Variants in UBE2E2 observed in about 807,000 individuals in gnomAD.
UBE2E2 encodes the protein ubiquitin-conjugating enzyme E2 E2.
UBE2E2 carries 6 observed loss-of-function variants against 24.7 expected under a neutral mutation model. The ratio of observed to expected loss-of-function variants is 0.24; its 90% CI spans 0.13 to 0.48. The LOEUF is 0.48. Ranked by LOEUF, UBE2E2 falls within the 20% of genes least tolerant of loss-of-function variation. The probability of loss-of-function intolerance (pLI) is 0.99; values close to 1 mark genes in which losing one functional copy is unlikely to be tolerated. For missense variants in UBE2E2, 169 were observed against 245.0 expected (o/e 0.69, Z 2.07); for synonymous variants, 104 against 83.6 (o/e 1.24, Z -1.33).
chr3:23,206,355 A>G (rs541903870), intron 1 of UBE2E2, among the ~76,000 whole-genome samples: 4 of 152,372 alleles, frequency 2.6e-5, no homozygotes, highest in Non-Finnish European at 5.9e-5. Context: ...AAATGAAAAA[A>G]AGCAAGAAAT....
chr3:23,352,890 C>T (rs1695800233), intron 3 of UBE2E2, among the ~76,000 whole-genome samples: 1 of 152,146 alleles, frequency 6.6e-6, no homozygotes, highest in Admixed American at 6.5e-5. Flanking sequence ...TTTATAAGGC[C>T]AGCATCATCC....
At chr3:23,549,059 C>A (rs1191035023) in intron 5 of UBE2E2, among the ~76,000 whole-genome samples, 1 of 152,204 alleles carries the variant, frequency 6.6e-6, no homozygotes, top group African/African-American at 2.4e-5. Context: ...TGGCCTCTTT[C>A]CCCAGCTAAA....
chr3:23,558,264 C>T (rs1695838240), intron 5 of UBE2E2, among the ~76,000 whole-genome samples: 1 of 152,146 alleles, frequency 6.6e-6, no homozygotes. Context: ...GAGTACATTG[C>T]TTAAGATGTT....
intron 3 of UBE2E2, among the ~76,000 whole-genome samples, chr3:23,345,677 G>T (rs1695536042): frequency 6.6e-6 from 1 of 152,036 alleles, no homozygotes; most frequent in East Asian, 1.9e-4. Flanking sequence ...TTAAATTACA[G>T]ACAATAAAAT....
intron 3 of UBE2E2, among the ~76,000 whole-genome samples, chr3:23,395,311 G>C (rs1354377499): frequency 6.6e-6 from 1 of 152,190 alleles, no homozygotes; most frequent in African/African-American, 2.4e-5. Flanking sequence ...TGGAGTTTCA[G>C]CACCTAAAAA....
chr3:23,315,938 A>T (rs1694564296), intron 3 of UBE2E2, among the ~76,000 whole-genome samples: 1 of 151,436 alleles, frequency 6.6e-6, no homozygotes, highest in Non-Finnish European at 1.5e-5. Flanking sequence ...CCTGGCAGAG[A>T]CTCTTGTTTT....
chr3:23,275,900 G>C (rs1698364744), intron 3 of UBE2E2, among the ~76,000 whole-genome samples: 1 of 151,912 alleles, frequency 6.6e-6, no homozygotes, highest in African/African-American at 2.4e-5. Flanking sequence ...ATTTGAATTT[G>C]AGCTTCTCTC....
intron 3 of UBE2E2, among the ~76,000 whole-genome samples, chr3:23,237,959 C>T (rs1697160001): frequency 6.6e-6 from 1 of 151,856 alleles, no homozygotes; most frequent in African/African-American, 2.4e-5. Context: ...GTGTTTTCCG[C>T]TTTAGTTTGT....
intron 5 of UBE2E2, among the ~76,000 whole-genome samples, chr3:23,544,302 T>G (rs993263193): frequency 5.9e-5 from 9 of 152,158 alleles, no homozygotes; most frequent in Non-Finnish European, 1.0e-4. Flanking sequence ...ATTTGCATAC[T>G]ATGCATCTGA....
chr3:23,536,456 T>C (rs1167126198), intron 5 of UBE2E2, among the ~76,000 whole-genome samples: 2 of 152,222 alleles, frequency 1.3e-5, no homozygotes, highest in African/African-American at 2.4e-5. Context: ...GCTCTACTAC[T>C]GTTACTCTCT....
intron 3 of UBE2E2, among the ~76,000 whole-genome samples, chr3:23,365,079 C>T (rs564767376): frequency 6.6e-6 from 1 of 152,176 alleles, no homozygotes; most frequent in Admixed American, 6.5e-5. Context: ...AATATCCCTT[C>T]ATGTTAAGAA....
intron 5 of UBE2E2, among the ~76,000 whole-genome samples, chr3:23,579,805 G>T (rs1266846382): frequency 6.6e-6 from 1 of 152,180 alleles, no homozygotes; most frequent in Non-Finnish European, 1.5e-5. Flanking sequence ...TTGTGTAAAG[G>T]ATTCACCATT....
intron 3 of UBE2E2, among the ~76,000 whole-genome samples, chr3:23,316,360 C>T (rs979250558): frequency 6.6e-6 from 1 of 152,040 alleles, no homozygotes; most frequent in Admixed American, 6.6e-5. Context: ...CTTCCCCTTA[C>T]CCCAGGCAGA....
At chr3:23,349,537 G>A (rs2125318096) in intron 3 of UBE2E2, among the ~76,000 whole-genome samples, 1 of 152,300 alleles carries the variant, frequency 6.6e-6, no homozygotes. Flanking sequence ...TCCTAATACT[G>A]CGCTTTTCTG....
intron 5 of UBE2E2, among the ~76,000 whole-genome samples, chr3:23,582,510 A>G (rs1696506779): frequency 6.6e-6 from 1 of 152,210 alleles, no homozygotes; most frequent in Non-Finnish European, 1.5e-5. Context: ...GAAACGCTTT[A>G]CACTCCCACC....
intron 5 of UBE2E2, among the ~76,000 whole-genome samples, chr3:23,582,860 A>AGTGTGTGTGTGTGTGTGT (rs58053821): frequency 5.7e-4 from 67 of 116,792 alleles, no homozygotes; most frequent in African/African-American, 2.2e-3. Flanking sequence ...TATTCTGTTG[A>AGTGTGTGTGTGTGTGTGT]GTGTGTGTGT....
chr3:23,587,229 A>G (rs573742490), intron 5 of UBE2E2, among the ~76,000 whole-genome samples: 5 of 152,326 alleles, frequency 3.3e-5, no homozygotes, highest in African/African-American at 9.6e-5. Flanking sequence ...CTTGTTTTTA[A>G]TTGTTTCTCC....
intron 3 of UBE2E2, among the ~76,000 whole-genome samples, chr3:23,417,504 C>T (rs1697669509): frequency 6.6e-6 from 1 of 152,216 alleles, no homozygotes; most frequent in African/African-American, 2.4e-5. Flanking sequence ...TAGGAGGTGT[C>T]TCCCAGTCAG....
rs182864577 is a variant in UBE2E2, at chr3:23,441,243, G to T, written c.228-58365G>T. Among the ~76,000 whole-genome samples, 85 of 152,010 alleles carry T rather than the reference G, an allele frequency of 5.6e-4. 3 individuals carry two copies. In the East Asian group the frequency reaches 0.015, roughly 27 times the overall value. ...ATCAAAGAATTGGGGAAGGAAGGCC[G>T]GGCGCAGTGGCTCACGCCTGTAATC... On this transcript the variant is annotated intron_variant, in intron 3 of 5. Coordinates refer to ENST00000396703, the MANE Select transcript of UBE2E2 (RefSeq NM_152653.4).
Sources: gnomAD v4.1 joint callset for allele counts (sites outside exome capture counted in the v4.1 genomes callset) on GRCh38, gnomAD v4.1.1 for gene constraint, MANE v1.5 for transcripts, NCBI Gene and HGNC (gene_info 2026-07-23, HGNC 2026-07-21) for gene names.